The following RYR2 variants were observed in gnomAD, a reference collection of about 807,000 sequenced individuals.
RYR2 encodes the protein cardiac muscle ryanodine receptor-calcium release channel.
A neutral mutation model predicts 601.1 loss-of-function variants in RYR2; 227 were observed. That is an observed-to-expected ratio of 0.38 (90% CI 0.34 to 0.42). The LOEUF (loss-of-function observed/expected upper bound fraction) is 0.42. Ranked by LOEUF, RYR2 falls within the 10% of genes least tolerant of loss-of-function variation. RYR2 has a pLI of 1.00. For synonymous variants in RYR2, 2,223 were observed against 2,175.1 expected, an observed-to-expected ratio of 1.02 and a Z score of -0.61; for missense variants, 4,646 against 6,156.5, an observed-to-expected ratio of 0.75 and a Z score of 8.21.
chr1:237,654,553 C>A (rs1573362501), intron 52 of RYR2, 139 bp downstream of exon 52: 2 of 798,204 alleles, frequency 2.5e-6, no homozygotes, highest in Non-Finnish European at 3.8e-6. Context: ...CTTTTCTCAA[C>A]TTCATAACAA....
chr1:237,221,869 T>C (rs1161790141), intron 1 of RYR2, among the ~76,000 whole-genome samples: 1 of 152,184 alleles, frequency 6.6e-6, no homozygotes, highest in Non-Finnish European at 1.5e-5. Context: ...TGTTGGCATT[T>C]TCCATTTTTG....
At chr1:237,721,650 C>T (rs1411915684) in intron 73 of RYR2, among the ~76,000 whole-genome samples, 1 of 152,112 alleles carries the variant, frequency 6.6e-6, no homozygotes, top group Admixed American at 6.5e-5. Flanking sequence ...TCCCGAGTAG[C>T]TGTGATTACA....
intron 1 of RYR2, among the ~76,000 whole-genome samples, chr1:237,085,955 A>G (rs1666279451): frequency 6.6e-6 from 1 of 152,168 alleles, no homozygotes; most frequent in African/African-American, 2.4e-5. Context: ...GGGTTTCACC[A>G]TGTTGCCCAG....
chr1:237,547,378 T>C (rs1353338121), intron 25 of RYR2, among the ~76,000 whole-genome samples: 2 of 152,186 alleles, frequency 1.3e-5, no homozygotes, highest in East Asian at 1.9e-4. Flanking sequence ...CATAATTACC[T>C]AGTGAACGTT....
chr1:237,413,154 C>A (rs1558776126), intron 10 of RYR2, among the ~76,000 whole-genome samples: 1 of 152,108 alleles, frequency 6.6e-6, no homozygotes, highest in Non-Finnish European at 1.5e-5. Flanking sequence ...TCTGCACATG[C>A]CGTGTAATTT....
chr1:237,585,524 G>A (rs1401890237), intron 29 of RYR2, among the ~76,000 whole-genome samples: 2 of 152,198 alleles, frequency 1.3e-5, no homozygotes, highest in African/African-American at 4.8e-5. Flanking sequence ...CAGCTGAACA[G>A]TACCTGTAGT....
intron 17 of RYR2, among the ~76,000 whole-genome samples, chr1:237,483,242 CA>C (rs763594881): frequency 5.5e-4 from 84 of 152,320 alleles, no homozygotes; most frequent in Non-Finnish European, 9.0e-4. Context: ...CACTGCTCCA[CA>C]AAGGAGCATA....
At chr1:237,443,427 A>T (rs1453407140) in intron 13 of RYR2, among the ~76,000 whole-genome samples, 2 of 152,178 alleles carry the variant, frequency 1.3e-5, no homozygotes, top group African/African-American at 4.8e-5. Context: ...AATAGCAATG[A>T]TTACTGAATT....
chr1:237,208,605 C>G (rs617676), intron 1 of RYR2, among the ~76,000 whole-genome samples: 62,905 of 150,426 alleles, frequency 0.42, 13,821 homozygotes, highest in Admixed American at 0.51. Flanking sequence ...ATATATTCAA[C>G]GTATACAATG....
At chr1:237,687,649 C>T (rs1686549856) in intron 63 of RYR2, 145 bp downstream of exon 63, 6 of 669,832 alleles carry the variant, frequency 9.0e-6, no homozygotes, top group African/African-American at 5.5e-5. Context: ...ATAAGGTCCT[C>T]GAGGTTGTTC....
intron 67 of RYR2, among the ~76,000 whole-genome samples, chr1:237,705,872 A>G (rs1688328020): frequency 6.6e-6 from 1 of 152,216 alleles, no homozygotes; most frequent in Admixed American, 6.5e-5. Context: ...TAGCAGAAAG[A>G]ATGGCCAAAA....
intron 36 of RYR2, among the ~76,000 whole-genome samples, chr1:237,613,164 C>T (rs1678074202): frequency 6.6e-6 from 1 of 152,168 alleles, no homozygotes; most frequent in South Asian, 2.1e-4. Flanking sequence ...AATAACATGA[C>T]AAATCATTAA....
intron 27 of RYR2, among the ~76,000 whole-genome samples, chr1:237,564,356 T>C (rs1671751588): frequency 1.3e-5 from 2 of 152,228 alleles, no homozygotes; most frequent in South Asian, 4.2e-4. Context: ...CTGCATCCTC[T>C]GCTTCCCGGG....
chr1:237,610,696 G>C lies in RYR2; in HGVS notation c.4684-66G>C. 1 of 1,302,370 alleles carries C rather than the reference G, an allele frequency of 7.7e-7. No individual in the cohort carries two copies. The highest frequency in any genetic ancestry group is 2.5e-5 in the East Asian group (1 of 39,572). The allele number at this position is 1,302,370 out of a possible 1,614,324, so 80.7% of individuals were successfully genotyped here. A position where few individuals can be genotyped will look rare whatever the true frequency, so the allele number is the denominator to read the frequency against. ...TGTCTCTGTCCTGTGCAGAATTCTAGTCATTACTTTGTGAACCCCAAGGGA... is the reference window on the plus strand; with the variant it reads ...TGTCTCTGTCCTGTGCAGAATTCTACTCATTACTTTGTGAACCCCAAGGGA... On this transcript the variant is annotated intron_variant, in intron 35 of 104. Transcript: ENST00000366574. The surrounding 1 kb of genome is among the most constrained non-coding windows in gnomAD (Gnocchi z 4.9).
At chr1:237,253,268 T>A (rs560133041) in intron 1 of RYR2, among the ~76,000 whole-genome samples, 7 of 152,080 alleles carry the variant, frequency 4.6e-5, no homozygotes, top group Non-Finnish European at 1.0e-4. Flanking sequence ...ATGAGATCAC[T>A]GAGGATGAAG....
chr1:237,176,266 A>AT (rs1558371851), intron 1 of RYR2, among the ~76,000 whole-genome samples: 1 of 20,758 alleles, frequency 4.8e-5, no homozygotes, highest in Non-Finnish European at 2.6e-4. Context: ...TATATATATA[A>AT]AAAATGAAAT....
intron 63 of RYR2, among the ~76,000 whole-genome samples, chr1:237,697,258 G>A (rs1166586254): frequency 6.7e-6 from 1 of 149,590 alleles, no homozygotes; most frequent in Non-Finnish European, 1.5e-5. Flanking sequence ...CTGCTCAAAT[G>A]CCGCCTCCAG....
At chr1:237,798,776 T>TCACACACACACA (rs72164792) in intron 97 of RYR2, among the ~76,000 whole-genome samples, 1 of 135,210 alleles carries the variant, frequency 7.4e-6, no homozygotes, top group Non-Finnish European at 1.6e-5. Flanking sequence ...AATTTAAATG[T>TCACACACACACA]CACACACACA....
chr1:237,568,059 T>G (rs1301367716), intron 28 of RYR2, among the ~76,000 whole-genome samples: 2 of 152,022 alleles, frequency 1.3e-5, no homozygotes, highest in Non-Finnish European at 2.9e-5. Context: ...CTCCTGAAGA[T>G]CAGATGTAAT....
Sources: gnomAD v4.1 joint callset for allele counts (sites outside exome capture counted in the v4.1 genomes callset) on GRCh38, gnomAD v4.1.1 for gene constraint, Gnocchi (gnomAD v3.1) non-coding constraint, MANE v1.5 for transcripts, NCBI Gene and HGNC (gene_info 2026-07-23, HGNC 2026-07-21) for gene names.